The following UBR2 variants were observed in gnomAD, a reference collection of about 807,000 sequenced individuals.
The protein encoded by UBR2 is ubiquitin protein ligase E3 component n-recognin 2.
In UBR2, 92 loss-of-function variants were observed where a neutral mutation model predicts 247.9. The observed-to-expected ratio is 0.37, with a 90% CI of 0.31 to 0.44. The LOEUF (loss-of-function observed/expected upper bound fraction) is 0.44. UBR2 is among the 20% of genes least tolerant of loss of function. The pLI is 1.00. For missense variants in UBR2, 1,613 were observed against 2,112.6 expected, an observed-to-expected ratio of 0.76 and a Z score of 4.64; for synonymous variants, 672 against 693.5, an observed-to-expected ratio of 0.97 and a Z score of 0.49.
intron 2 of UBR2, among the ~76,000 whole-genome samples, chr6:42,587,867 TA>T (rs201655124): frequency 2.5e-5 from 2 of 79,592 alleles, no homozygotes; most frequent in Non-Finnish European, 4.9e-5. Context: ...ATTTTGCACT[TA>T]TTTTTTTCTC....
At chr6:42,564,853 C>T (rs1446539103) in intron 1 of UBR2, among the ~76,000 whole-genome samples, 1 of 152,180 alleles carries the variant, frequency 6.6e-6, no homozygotes, top group Non-Finnish European at 1.5e-5. Context: ...CCTAACCGAG[C>T]CCCTCTTTTG....
intron 34 of UBR2, among the ~76,000 whole-genome samples, chr6:42,666,710 TC>T (rs1798128295): frequency 6.6e-6 from 1 of 152,144 alleles, no homozygotes; most frequent in Non-Finnish European, 1.5e-5. Flanking sequence ...ATCCCGCACT[TC>T]CGTCTGACTT....
chr6:42,673,740 G>C, intron 36 of UBR2, 51 bp from the exon 37 acceptor site: 2 of 1,385,242 alleles, frequency 1.4e-6, no homozygotes, highest in Non-Finnish European at 2.1e-6. Flanking sequence ...ATTCCTGAAA[G>C]AGAACTGCTT....
chr6:42,583,745 A>G (rs1187352805), intron 2 of UBR2, among the ~76,000 whole-genome samples: 1 of 151,732 alleles, frequency 6.6e-6, no homozygotes, highest in Non-Finnish European at 1.5e-5. Context: ...GCTGGTCTTG[A>G]ACTCCTGACC....
rs1582750934 is a variant in UBR2, at chr6:42,691,433, C to A, written c.*260C>A. ...CTTCTCTTCCTAGATTGGATCCCAG[C>A]CCCTTTGTGGGGGTCTGACTGCATA... On this transcript the variant is annotated 3_prime_UTR_variant, in exon 47 of 47. Transcript: ENST00000372901. 2 of 469,058 alleles carry A rather than the reference C, an allele frequency of 4.3e-6. No individual in the cohort carries two copies. The highest frequency in any genetic ancestry group is 8.7e-5 in the East Asian group (2 of 22,992). The allele number at this position is 469,058 out of a possible 1,614,324, so 29.1% of individuals were successfully genotyped here.
intron 1 of UBR2, among the ~76,000 whole-genome samples, chr6:42,573,357 A>G (rs992788743): frequency 2.6e-5 from 4 of 152,202 alleles, no homozygotes; most frequent in Admixed American, 2.0e-4. Flanking sequence ...CTGACGTGAG[A>G]ATTGATATCA....
chr6:42,672,931 A>G (rs1446214333), intron 36 of UBR2, among the ~76,000 whole-genome samples: 3 of 152,210 alleles, frequency 2.0e-5, no homozygotes, highest in Non-Finnish European at 4.4e-5. Context: ...TGAACCAAAC[A>G]TTACAGAAAA....
chr6:42,665,673 C>A (rs1313997139), intron 33 of UBR2, among the ~76,000 whole-genome samples, 161 bp downstream of exon 33: 2 of 152,194 alleles, frequency 1.3e-5, no homozygotes, highest in African/African-American at 4.8e-5. Context: ...TACTGCATTA[C>A]TCCTTATTCC....
At chr6:42,670,491 G>A (rs1010686855) in intron 35 of UBR2, among the ~76,000 whole-genome samples, 169 bp from the exon 36 acceptor site, 3 of 152,126 alleles carry the variant, frequency 2.0e-5, no homozygotes, top group Admixed American at 6.5e-5. Flanking sequence ...TGTACTGTTC[G>A]TTTTTACTTT....
chr6:42,675,598 A>T (rs1177664625), intron 38 of UBR2, among the ~76,000 whole-genome samples: 1 of 152,186 alleles, frequency 6.6e-6, no homozygotes, highest in African/African-American at 2.4e-5. Flanking sequence ...TCCAACATGG[A>T]TGCCCTTTCT....
At chr6:42,632,069 A>AAAAAAAAAAAAAAATAT (rs56721828) in intron 11 of UBR2, among the ~76,000 whole-genome samples, 14 of 114,084 alleles carry the variant, frequency 1.2e-4, no homozygotes, top group African/African-American at 4.7e-4. Context: ...AAAAAAAAAA[A>AAAAAAAAAAAAAAATAT]ATATATATAT....
At chr6:42,660,536 A>G (rs148110691) in intron 30 of UBR2, among the ~76,000 whole-genome samples, 5 of 152,268 alleles carry the variant, frequency 3.3e-5, no homozygotes, top group African/African-American at 1.2e-4. Flanking sequence ...TTCCCAGAGC[A>G]CTGCTTTAAC....
chr6:42,690,945 G>A, intron 46 of UBR2, 87 bp from the exon 47 acceptor site: 1 of 1,532,888 alleles, frequency 6.5e-7, no homozygotes, highest in Non-Finnish European at 8.8e-7. Context: ...CCAATAACTT[G>A]TAACCTTGCC....
Position 42,603,677 on chromosome 6 carries a change from C to A in UBR2, c.621C>A (p.Thr207=). The change falls in exon 5 of 47, where the codon ACC becomes ACA. Residue 207 remains threonine, a synonymous_variant. Coordinates refer to ENST00000372901, the MANE Select transcript of UBR2 (RefSeq NM_001363705.2). ...TTCGGTATGCAGTAGAAATATTAAC[C>A]TGGGAAAAAGAAAGTGAATTGCCAG... ...ITFRYAVEIL[T]WEKESELPAD... is the part of the protein sequence containing the mutation. 1 of 1,600,272 alleles carries A rather than the reference C, an allele frequency of 6.2e-7. No homozygotes were observed. Among genetic ancestry groups the A allele is most frequent in the South Asian group, 1.1e-5 (1 of 87,514 alleles).
Position 42,691,239 on chromosome 6 carries a change from G to A in UBR2, c.*66G>A. On this transcript the variant is annotated 3_prime_UTR_variant, in exon 47 of 47. Coordinates refer to ENST00000372901, the MANE Select transcript of UBR2 (RefSeq NM_001363705.2). ...CCCAGTTGGCTTTTTAAGAAAGAAAGAAGTTCTGCTGAATTTGGAAATAAA... is the reference window on the plus strand; with the variant it reads ...CCCAGTTGGCTTTTTAAGAAAGAAAAAAGTTCTGCTGAATTTGGAAATAAA... The A allele has an allele frequency of 6.3e-7, 1 of 1,575,016 alleles. No homozygotes were observed. The highest frequency in any genetic ancestry group is 1.2e-5 in the South Asian group (1 of 85,004).
intron 7 of UBR2, among the ~76,000 whole-genome samples, chr6:42,607,005 G>A (rs927522615): frequency 6.6e-6 from 1 of 151,932 alleles, no homozygotes; most frequent in African/African-American, 2.4e-5. Flanking sequence ...TTGTTTCTTG[G>A]TACCTTATGG....
At chr6:42,619,555 C>T in intron 11 of UBR2, 1 of 221,446 alleles carries the variant, frequency 4.5e-6, no homozygotes, top group Non-Finnish European at 8.6e-6. Flanking sequence ...CTGAGACCAG[C>T]CTGGCCAACA....
At position 42,659,393 on chromosome 6, in the gene UBR2, C is replaced by T. The variant is rs1797643766; in HGVS notation, c.3243-263C>T. Among the ~76,000 whole-genome samples the T allele has an allele frequency of 6.6e-6, 1 of 151,596 alleles. No homozygotes were observed. Among genetic ancestry groups the T allele is most frequent in the Non-Finnish European group, 1.5e-5 (1 of 67,908 alleles). ...GTGCATGCCTATAATCCCAGCTACT[C>T]AGGAGGCTGAGTCAGGAGAATTGCT... On this transcript the variant is annotated intron_variant, in intron 29 of 46. Transcript: ENST00000372901. This position sits in a 1 kb window ranked among gnomAD's most constrained non-coding sequence, Gnocchi z 4.3.
intron 11 of UBR2, among the ~76,000 whole-genome samples, chr6:42,621,064 C>T (rs1450564279): frequency 6.6e-6 from 1 of 152,146 alleles, no homozygotes; most frequent in Admixed American, 6.5e-5. Context: ...CTCAGGTGAT[C>T]CACCGCACCC....
Sources: gnomAD v4.1 joint callset for allele counts (sites outside exome capture counted in the v4.1 genomes callset) on GRCh38, gnomAD v4.1.1 for gene constraint, Gnocchi (gnomAD v3.1) non-coding constraint, MANE v1.5 for transcripts, NCBI Gene and HGNC (gene_info 2026-07-23, HGNC 2026-07-21) for gene names.